The following CFAP300 variants were observed in gnomAD, a reference collection of about 807,000 sequenced individuals.
CFAP300 encodes the protein cilia- and flagella-associated protein 300.
Under a neutral mutation model 33.0 loss-of-function variants are expected in CFAP300, and 32 were observed. The ratio of observed to expected loss-of-function variants is 0.97; its 90% CI spans 0.73 to 1.30. The LOEUF (loss-of-function observed/expected upper bound fraction) is 1.30, where lower values mean the gene tolerates loss of function less well. Among genes scored for constraint, CFAP300 ranks in the 50% most tolerant of loss-of-function variants. CFAP300 has a pLI of 0.00. For missense variants in CFAP300, 356 were observed against 318.1 expected, an observed-to-expected ratio of 1.12 and a Z score of -0.90; for synonymous variants, 102 against 106.8, an observed-to-expected ratio of 0.95 and a Z score of 0.28.
intron 4 of CFAP300, among the ~76,000 whole-genome samples, chr11:102,075,234 ATGGC>A (rs1297804296): frequency 2.1e-5 from 3 of 143,160 alleles, no homozygotes; most frequent in Non-Finnish European, 4.8e-5. Flanking sequence ...GTATTTCCCA[ATGGC>A]ATAAGAAAAT....
chr11:102,065,582 C>T (rs1942211117), intron 3 of CFAP300, among the ~76,000 whole-genome samples: 2 of 151,822 alleles, frequency 1.3e-5, no homozygotes, highest in African/African-American at 4.8e-5. Context: ...GCCTGACCAA[C>T]ATGGAGAAAC....
intron 4 of CFAP300, among the ~76,000 whole-genome samples, chr11:102,069,037 CA>C (rs974432868): frequency 1.8e-4 from 28 of 152,134 alleles, no homozygotes; most frequent in African/African-American, 6.8e-4. Flanking sequence ...CATCAGTGGA[CA>C]TTTTTTTTAA....
intron 3 of CFAP300, among the ~76,000 whole-genome samples, chr11:102,060,530 A>G (rs954942688): frequency 6.6e-6 from 1 of 152,204 alleles, no homozygotes; most frequent in African/African-American, 2.4e-5. Flanking sequence ...AAGTCCCTTC[A>G]ATAACTCTTG....
chr11:102,053,833 G>A (rs1293950274), intron 2 of CFAP300, among the ~76,000 whole-genome samples: 1 of 152,176 alleles, frequency 6.6e-6, no homozygotes, highest in Non-Finnish European at 1.5e-5. Context: ...TGACTGCAAG[G>A]TCAATTTAAC....
At chr11:102,077,682 C>T (rs924652200) in intron 5 of CFAP300, among the ~76,000 whole-genome samples, 1 of 152,180 alleles carries the variant, frequency 6.6e-6, no homozygotes, top group African/African-American at 2.4e-5. Context: ...TCAAGGGATT[C>T]TCCTGCTTCA....
intron 2 of CFAP300, among the ~76,000 whole-genome samples, chr11:102,053,703 ACT>A (rs1424679584): frequency 1.3e-5 from 2 of 152,192 alleles, no homozygotes; most frequent in Non-Finnish European, 2.9e-5. Context: ...ACAAAGTGAG[ACT>A]CTGTCCGTAT....
intron 5 of CFAP300, among the ~76,000 whole-genome samples, chr11:102,080,714 A>G (rs1942461720): frequency 6.6e-6 from 1 of 152,142 alleles, no homozygotes. Context: ...AATAGTTTTT[A>G]TATACATTAT....
At chr11:102,057,165 C>A (rs1942072653) in intron 2 of CFAP300, among the ~76,000 whole-genome samples, 1 of 151,540 alleles carries the variant, frequency 6.6e-6, no homozygotes, top group East Asian at 2.0e-4. Context: ...TGGTGAAACC[C>A]CTTGTCTACT....
chr11:102,063,034 A>G (rs1281123464), intron 3 of CFAP300, among the ~76,000 whole-genome samples: 1 of 152,282 alleles, frequency 6.6e-6, no homozygotes. Flanking sequence ...CTTCAGGGCC[A>G]TCAGGGCCAC....
chr11:102,047,896 G>A lies in CFAP300; in HGVS notation c.192G>A (p.Met64Ile). Residue 64 changes from methionine (M) to isoleucine (I), a missense_variant and splice_region_variant, in exon 2 of 7, where the codon ATG becomes ATA. By Grantham distance (10) the Met-to-Ile change is conservative. Transcript: ENST00000434758. The stretch of plus-strand genomic sequence containing the variant: ...CCTATCGGAAGGATGATTTCGTTAT[G>A]GTTAGTATGGGGGTCGGAGAGTTCC... ...FQSYRKDDFV[M>I]AFFKDPNVIP... 6.2e-7 allele frequency: 1 copy of A among 1,614,062 alleles called. No individual in the cohort carries two copies. Among genetic ancestry groups the A allele is most frequent in the Non-Finnish European group, 8.5e-7 (1 of 1,179,982 alleles).
At chr11:102,054,955 C>T (rs572102004) in intron 2 of CFAP300, among the ~76,000 whole-genome samples, 38 of 151,880 alleles carry the variant, frequency 2.5e-4, no homozygotes, top group African/African-American at 8.9e-4. Context: ...TGTGTAACCA[C>T]CACTTCTGAA....
intron 6 of CFAP300, among the ~76,000 whole-genome samples, chr11:102,081,889 T>TAAA (rs72280444): frequency 1.7e-5 from 2 of 118,706 alleles, no homozygotes; most frequent in Non-Finnish European, 3.5e-5. Context: ...AGACTCCATC[T>TAAA]AAAAAAAAAA....
At chr11:102,077,822 G>A (rs941466770) in intron 5 of CFAP300, among the ~76,000 whole-genome samples, 15 of 152,186 alleles carry the variant, frequency 9.9e-5, no homozygotes, top group African/African-American at 2.9e-4. Context: ...TGATCTGCCC[G>A]CCTCAGCCTC....
Position 102,084,308 on chromosome 11 carries a change from G to C in CFAP300, c.*1109G>C, listed in dbSNP as rs1942516460. On this transcript the variant is annotated 3_prime_UTR_variant, in exon 7 of 7. Coordinates refer to ENST00000434758, the MANE Select transcript of CFAP300 (RefSeq NM_032930.3). The stretch of plus-strand genomic sequence containing the variant: ...GTAAGAAATGTTGAGGTTTGAGGAG[G>C]AGCAAGTTTGAAAGATGTGTTTCTG... 1 of 152,182 alleles carries C rather than the reference G, an allele frequency of 6.6e-6. No homozygotes were observed. The highest frequency in any genetic ancestry group is 2.4e-5 in the African/African-American group (1 of 41,450). The allele number at this position is 152,182 out of a possible 1,614,324, so 9.4% of individuals were successfully genotyped here.
rs1942000971 is a variant in CFAP300, at chr11:102,053,378, C to A, written c.192+5482C>A. The stretch of plus-strand genomic sequence containing the variant: ...ACCAGCCTGACAAACATGGAGAAAC[C>A]CAATCTCTACTAAAAATACAAAATT... On this transcript the variant is annotated intron_variant, in intron 2 of 6. Coordinates refer to ENST00000434758, the MANE Select transcript of CFAP300 (RefSeq NM_032930.3). Among the ~76,000 whole-genome samples, 2 of 151,934 alleles carry A rather than the reference C, an allele frequency of 1.3e-5. 1 individual carries two copies. The highest frequency in any genetic ancestry group is 4.8e-5 in the African/African-American group (2 of 41,404).
Position 102,083,236 on chromosome 11 carries a change from T to G in CFAP300, c.*37T>G, listed in dbSNP as rs1313071438. 10 of 1,348,694 alleles carry G rather than the reference T, an allele frequency of 7.4e-6. No homozygotes were observed. Among genetic ancestry groups the G allele is most frequent in the Non-Finnish European group, 8.7e-6 (9 of 1,029,326 alleles). The allele number at this position is 1,348,694 out of a possible 1,614,324, so 83.5% of individuals were successfully genotyped here. A position where few individuals can be genotyped will look rare whatever the true frequency, so the allele number is the denominator to read the frequency against. ...ATTATGTACCTCTACTATTTTGTATTTATCATTTTTCTATCTTAATACTAA... is the reference window on the plus strand; with the variant it reads ...ATTATGTACCTCTACTATTTTGTATGTATCATTTTTCTATCTTAATACTAA... On this transcript the variant is annotated 3_prime_UTR_variant, in exon 7 of 7. Coordinates refer to ENST00000434758, the MANE Select transcript of CFAP300 (RefSeq NM_032930.3).
chr11:102,066,475 C>A lies in CFAP300; in HGVS notation c.269-10C>A, dbSNP rs768483597. On this transcript the variant is annotated splice_polypyrimidine_tract_variant and intron_variant, in intron 3 of 6. Transcript: ENST00000434758. ...TCTATCTCCATTCTTTATAAAATAT[C>A]TTTTTTCAGGAACTGAAGTGAAAAA... 4 of 1,550,736 alleles carry A rather than the reference C, an allele frequency of 2.6e-6. No individual in the cohort carries two copies. The highest frequency in any genetic ancestry group is 1.3e-5 in the South Asian group (1 of 79,448).
intron 4 of CFAP300, among the ~76,000 whole-genome samples, chr11:102,067,173 A>G (rs781067837): frequency 1.3e-5 from 2 of 152,126 alleles, no homozygotes; most frequent in Non-Finnish European, 2.9e-5. Context: ...AACCCTGTCC[A>G]CAAAAACTAC....
At chr11:102,062,620 C>A (rs1383152314) in intron 3 of CFAP300, among the ~76,000 whole-genome samples, 1 of 152,114 alleles carries the variant, frequency 6.6e-6, no homozygotes, top group African/African-American at 2.4e-5. Flanking sequence ...AAAGTAATGT[C>A]TTGCTTATAG....
Sources: gnomAD v4.1 joint callset for allele counts (sites outside exome capture counted in the v4.1 genomes callset) on GRCh38, gnomAD v4.1.1 for gene constraint, MANE v1.5 for transcripts, NCBI Gene and HGNC (gene_info 2026-07-23, HGNC 2026-07-21) for gene names.